ANKRD36: variants seen among roughly 807,000 people sequenced by gnomAD.
The protein encoded by ANKRD36 is ankyrin repeat domain 36.
In ANKRD36, 179 loss-of-function variants were observed where a neutral mutation model predicts 278.1. The ratio of observed to expected loss-of-function variants is 0.64; its 90% CI spans 0.57 to 0.73. ANKRD36 has a LOEUF of 0.73. Among genes scored for constraint, ANKRD36 ranks in the 30% least tolerant of loss-of-function variants. ANKRD36 has a pLI of 0.00. For missense variants in ANKRD36, 1,159 were observed against 1,956.7 expected (o/e 0.59, Z 7.69); for synonymous variants, 320 against 641.1 (o/e 0.50, Z 7.57).
rs186847291 is a variant in ANKRD36, at chr2:97,225,699, C to T, written c.3951+820C>T. On this transcript the variant is annotated intron_variant, in intron 67 of 75. Coordinates refer to ENST00000420699, the MANE Select transcript of ANKRD36 (RefSeq NM_001354587.1). ...TGCAGGTTAGTTACATATGTATACA[C>T]GTGCCATGCTGGTGTGCTGCACCCA... Among the ~76,000 whole-genome samples, 239 of 152,002 alleles carry T rather than the reference C, an allele frequency of 1.6e-3. 3 individuals carry two copies. The highest frequency in any genetic ancestry group is 6.9e-3 in the South Asian group (33 of 4,754).
chr2:97,190,968 T>A lies in ANKRD36; in HGVS notation c.2246-10T>A. 6.2e-7 allele frequency: 1 copy of A among 1,603,936 alleles called. No individual in the cohort carries two copies. Among genetic ancestry groups the A allele is most frequent in the Non-Finnish European group, 8.5e-7 (1 of 1,175,068 alleles). The stretch of plus-strand genomic sequence containing the variant: ...ATATGAGTGATTATGTATCCCTTTT[T>A]GCTTTTCAGTGTCTTCTCAGAAACA... On this transcript the variant is annotated splice_polypyrimidine_tract_variant and intron_variant, in intron 34 of 75. Transcript: ENST00000420699.
chr2:97,140,117 TC>T (rs1386626269), intron 6 of ANKRD36, among the ~76,000 whole-genome samples: 1 of 151,862 alleles, frequency 6.6e-6, no homozygotes, highest in Non-Finnish European at 1.5e-5. Flanking sequence ...CATATTTATT[TC>T]CTGTCTCATG....
chr2:97,196,371 T>A (rs1457883264), intron 40 of ANKRD36, among the ~76,000 whole-genome samples: 1 of 151,974 alleles, frequency 6.6e-6, no homozygotes, highest in Non-Finnish European at 1.5e-5. Flanking sequence ...ACATGAGAAA[T>A]CATGCCATGT....
At chr2:97,198,784 A>T in intron 44 of ANKRD36, 126 bp downstream of exon 44, 3 of 1,112,392 alleles carry the variant, frequency 2.7e-6, no homozygotes, top group East Asian at 5.2e-5. Context: ...GAGATTCTTC[A>T]TTTCAAATAA....
chr2:97,159,758 A>G (rs958482790), intron 17 of ANKRD36, among the ~76,000 whole-genome samples: 4 of 151,144 alleles, frequency 2.6e-5, no homozygotes, highest in African/African-American at 9.7e-5. Context: ...TAATTAATAC[A>G]TAAATTAATA....
At position 97,202,108 on chromosome 2, in the gene ANKRD36, A is replaced by G; in HGVS notation, c.2858-94A>G. ...CATGAAGGCCTATGCTAATACAGGC[A>G]GGAGGACAGAGGTTGATTCTAACAG... On this transcript the variant is annotated intron_variant, in intron 46 of 75. Coordinates refer to ENST00000420699, the MANE Select transcript of ANKRD36 (RefSeq NM_001354587.1). 3.2e-6 allele frequency: 5 copies of G among 1,583,854 alleles called. No individual in the cohort carries two copies. In the South Asian group the frequency reaches 5.8e-5, roughly 18 times the overall value.
chr2:97,184,505 G>T (rs916081218), intron 28 of ANKRD36, among the ~76,000 whole-genome samples: 1 of 151,674 alleles, frequency 6.6e-6, no homozygotes, highest in Non-Finnish European at 1.5e-5. Context: ...AATACTAAAT[G>T]TATTAATTGA....
In ANKRD36 at chr2:97,217,370, C is replaced by G; in HGVS notation, c.3773C>G (p.Thr1258Arg). 6.5e-7 allele frequency: 1 copy of G among 1,550,270 alleles called. No homozygotes were observed. ...TRITGGWKSG[T>R]EYPENLPTLK... ...ATAACAGGCGGTTGGAAATCTGGAA[C>G]AGGTAATTTAGCAATATACATTTAA... Residue 1258 changes from threonine to arginine, a missense_variant and splice_region_variant, in exon 64 of 76, where the codon ACA becomes AGA. Thr to Arg is a moderately conservative substitution (Grantham distance 71). Transcript: ENST00000420699.
chr2:97,150,440 A>G (rs2045606195), intron 12 of ANKRD36, among the ~76,000 whole-genome samples: 1 of 152,256 alleles, frequency 6.6e-6, no homozygotes, highest in African/African-American at 2.4e-5. Flanking sequence ...AAGGTCTTGC[A>G]TGTAAGAAAC....
chr2:97,203,044 C>A (rs1268540752), intron 48 of ANKRD36, among the ~76,000 whole-genome samples: 6 of 151,804 alleles, frequency 4.0e-5, no homozygotes, highest in African/African-American at 1.2e-4. Flanking sequence ...TGACTCATTA[C>A]TCCCCTTTGT....
At chr2:97,131,863 C>G (rs1236366495) in intron 6 of ANKRD36, among the ~76,000 whole-genome samples, 2 of 151,814 alleles carry the variant, frequency 1.3e-5, no homozygotes, top group Admixed American at 6.6e-5. Context: ...GAGTCTCGCT[C>G]TGTTGCCCAG....
chr2:97,226,559 C>T (rs1156897123), intron 67 of ANKRD36, among the ~76,000 whole-genome samples: 20 of 151,396 alleles, frequency 1.3e-4, no homozygotes, highest in Non-Finnish European at 2.2e-4. Flanking sequence ...CGAAAATTTT[C>T]TCCCATGTTG....
chr2:97,127,453 C>G (rs2038919618), intron 6 of ANKRD36, among the ~76,000 whole-genome samples: 1 of 151,676 alleles, frequency 6.6e-6, no homozygotes, highest in South Asian at 2.1e-4. Context: ...ATGAATTAGA[C>G]TTTTTATATA....
intron 34 of ANKRD36, among the ~76,000 whole-genome samples, chr2:97,190,153 A>T (rs1575558280): frequency 1.1e-5 from 1 of 90,912 alleles, no homozygotes; most frequent in East Asian, 2.2e-4. Context: ...ATTATGTTGA[A>T]TTCTAATTAA....
intron 1 of ANKRD36, among the ~76,000 whole-genome samples, chr2:97,115,191 A>G (rs2034915166): frequency 6.6e-6 from 1 of 152,168 alleles, no homozygotes; most frequent in South Asian, 2.1e-4. Flanking sequence ...GTAGGAAAAG[A>G]TGAATTACTC....
Position 97,179,873 on chromosome 2 carries a change from G to T in ANKRD36, c.1675G>T (p.Asp559Tyr). 6.2e-7 allele frequency: 1 copy of T among 1,604,972 alleles called. No homozygotes were observed. Among genetic ancestry groups the T allele is most frequent in the Non-Finnish European group, 8.5e-7 (1 of 1,178,284 alleles). The change falls in exon 24 of 76, where the codon GAC becomes TAC. Residue 559 changes from aspartate to tyrosine, a missense_variant. Coordinates refer to ENST00000420699, the MANE Select transcript of ANKRD36 (RefSeq NM_001354587.1). ...AAATCCCATTCAGGCTACAAGTGAC[G>T]ACAAAGATTCTGTTTCAAATATAGC... ...KQPAEKATSD[D>Y]KDSVSNIATE...
chr2:97,211,483 G>A (rs1420692528), intron 56 of ANKRD36, 63 bp from the exon 57 acceptor site: 9 of 1,580,678 alleles, frequency 5.7e-6, no homozygotes, highest in Non-Finnish European at 7.8e-6. Flanking sequence ...AACACTGTAT[G>A]AATGTATGGA....
At chr2:97,209,317 T>C (rs2063723552) in intron 54 of ANKRD36, among the ~76,000 whole-genome samples, 1 of 146,626 alleles carries the variant, frequency 6.8e-6, no homozygotes, top group African/African-American at 2.7e-5. Flanking sequence ...GAAAGACATA[T>C]GGGATCATGT....
intron 75 of ANKRD36, among the ~76,000 whole-genome samples, chr2:97,260,406 A>G (rs1389675643): frequency 7.6e-6 from 1 of 132,414 alleles, no homozygotes; most frequent in Middle Eastern, 3.8e-3. Context: ...ACACACACAT[A>G]CACATATACA....
Sources: allele counts gnomAD v4.1 joint callset (sites outside exome capture counted in the v4.1 genomes callset), GRCh38; gene constraint gnomAD v4.1.1; transcripts MANE v1.5; gene names NCBI Gene and HGNC (gene_info 2026-07-23, HGNC 2026-07-21).